ALG6: variants seen among roughly 807,000 people sequenced by gnomAD.
The protein encoded by ALG6 is dolichyl pyrophosphate Man9GlcNAc2 alpha-1,3-glucosyltransferase.
In ALG6, 46 loss-of-function variants were observed where a neutral mutation model predicts 66.6. The observed-to-expected ratio is 0.69, with a 90% CI of 0.55 to 0.88. ALG6 has a LOEUF of 0.88. ALG6 is among the 40% of genes least tolerant of loss of function. The probability of loss-of-function intolerance (pLI) is 0.00; values close to 1 mark genes in which losing one functional copy is unlikely to be tolerated. For missense variants in ALG6, 505 were observed against 586.8 expected, an observed-to-expected ratio of 0.86 and a Z score of 1.44; for synonymous variants, 185 against 203.7, an observed-to-expected ratio of 0.91 and a Z score of 0.78.
chr1:63,397,508 T>C (rs1453288614), intron 3 of ALG6, among the ~76,000 whole-genome samples: 1 of 151,986 alleles, frequency 6.6e-6, no homozygotes. Context: ...TCGTATGGTC[T>C]CATTTCCATA....
intron 12 of ALG6, among the ~76,000 whole-genome samples, chr1:63,426,688 C>T (rs770821019): frequency 5.3e-5 from 8 of 151,850 alleles, no homozygotes; most frequent in South Asian, 4.2e-4. Flanking sequence ...GTACCCCAGG[C>T]GTGCGTCACC....
intron 3 of ALG6, among the ~76,000 whole-genome samples, 170 bp from the exon 4 acceptor site, chr1:63,402,084 C>T (rs1288914675): frequency 6.6e-6 from 1 of 152,064 alleles, no homozygotes; most frequent in Admixed American, 6.6e-5. Flanking sequence ...TCCCAGTTTG[C>T]CTAGGAGAGT....
rs1451749587 is a variant in ALG6, at chr1:63,437,234, C to G, written c.*214C>G. 2.0e-6 allele frequency: 1 copy of G among 495,268 alleles called. No homozygotes were observed. Among genetic ancestry groups the G allele is most frequent in the African/African-American group, 1.9e-5 (1 of 51,544 alleles). 30.7% of individuals were successfully genotyped at this position (495,268 alleles called of 1,614,324 possible). On this transcript the variant is annotated 3_prime_UTR_variant, in exon 15 of 15. Coordinates refer to ENST00000263440, the MANE Select transcript of ALG6 (RefSeq NM_013339.4). ...GGAGGCTTGTCTAAGTACTGCTTGG[C>G]CAAAACATGTGGTTTTATTATTCAC...
intron 2 of ALG6, among the ~76,000 whole-genome samples, chr1:63,380,926 T>G (rs1648278799): frequency 6.6e-6 from 1 of 152,204 alleles, no homozygotes; most frequent in Admixed American, 6.5e-5. Context: ...AAGAAAAATA[T>G]TGTTATTGCA....
chr1:63,405,749 T>G (rs1363770694), intron 5 of ALG6, among the ~76,000 whole-genome samples: 6 of 152,120 alleles, frequency 3.9e-5, no homozygotes, highest in African/African-American at 1.4e-4. Context: ...TAGACAGCTA[T>G]GTTATACATT....
At chr1:63,400,473 T>C (rs1434966005) in intron 3 of ALG6, among the ~76,000 whole-genome samples, 1 of 150,146 alleles carries the variant, frequency 6.7e-6, no homozygotes, top group Non-Finnish European at 1.5e-5. Context: ...TATCTTCTCT[T>C]ATGCCTCTTT....
intron 10 of ALG6, 132 bp downstream of exon 10, chr1:63,414,278 G>A (rs555911342): frequency 1.6e-6 from 1 of 631,062 alleles, no homozygotes; most frequent in Non-Finnish European, 2.6e-6. Flanking sequence ...TTGAGACAGA[G>A]TCTGGCTCTG....
intron 4 of ALG6, among the ~76,000 whole-genome samples, chr1:63,403,541 G>T (rs1278437232): frequency 2.0e-5 from 3 of 152,104 alleles, no homozygotes; most frequent in Admixed American, 2.0e-4. Context: ...ACAATATCTC[G>T]TGAACTCATC....
intron 11 of ALG6, among the ~76,000 whole-genome samples, chr1:63,416,169 T>C (rs1644545149): frequency 6.6e-6 from 1 of 152,190 alleles, no homozygotes; most frequent in Admixed American, 6.5e-5. Flanking sequence ...ATTTAATTTG[T>C]TTCGTATTAG....
intron 2 of ALG6, 86 bp from the exon 3 acceptor site, chr1:63,396,426 CT>C (rs1648828218): frequency 8.5e-7 from 1 of 1,175,930 alleles, no homozygotes; most frequent in East Asian, 2.4e-5. Flanking sequence ...CACTGCCTCT[CT>C]AATTTAGACA....
At position 63,428,982 on chromosome 1, in the gene ALG6, A is replaced by G; in HGVS notation, c.1182A>G (p.Thr394=). Residue 394 remains threonine, a synonymous_variant, in exon 14 of 15, where the codon ACA becomes ACG. Transcript: ENST00000263440. The part of the protein sequence containing the change: ...DELLMPSVVT[T]MAFFIACVTS... ...TCCTAATGCCCTCTGTTGTGACAAC[A>G]ATGGCATTTTTTATAGCTTGTGTAA... The G allele has an allele frequency of 6.2e-7, 1 of 1,613,118 alleles. No individual in the cohort carries two copies. Among genetic ancestry groups the G allele is most frequent in the Non-Finnish European group, 8.5e-7 (1 of 1,179,664 alleles).
chr1:63,381,747 C>T (rs74824854), intron 2 of ALG6, among the ~76,000 whole-genome samples: 6,241 of 152,174 alleles, frequency 0.041, 404 homozygotes, highest in African/African-American at 0.14. Context: ...TTAGCATTCA[C>T]GTGTGAGGGA....
chr1:63,412,544 G>A lies in ALG6; in HGVS notation c.816+483G>A, dbSNP rs534395001. On this transcript the variant is annotated intron_variant, in intron 9 of 14. Transcript: ENST00000263440. ...TTTCAGCTACAATTTTAACAGCTGT[G>A]TAATTTTTTGGTGTATATTCTGTTT... Among the ~76,000 whole-genome samples, 319 of 152,204 alleles carry A rather than the reference G, an allele frequency of 2.1e-3. 1 individual carries two copies. The highest frequency in any genetic ancestry group is 3.3e-3 in the Admixed American group (50 of 15,274).
In ALG6 at chr1:63,438,339, T is replaced by C. The variant is rs1359435788; in HGVS notation, c.*1319T>C. On this transcript the variant is annotated 3_prime_UTR_variant, in exon 15 of 15. Transcript: ENST00000263440. Reference sequence around the variant, plus strand: ...TGCCGAATCAGCAAGAACATTGCTGTCCATGGTCACCATCTGTAATCACTG... The same window carrying C: ...TGCCGAATCAGCAAGAACATTGCTGCCCATGGTCACCATCTGTAATCACTG... 2 of 152,172 alleles carry C rather than the reference T, an allele frequency of 1.3e-5. No individual in the cohort carries two copies. The highest frequency in any genetic ancestry group is 4.8e-5 in the African/African-American group (2 of 41,444). The allele number at this position is 152,172 out of a possible 1,614,324, so 9.4% of individuals were successfully genotyped here. A position where few individuals can be genotyped will look rare whatever the true frequency, so the allele number is the denominator to read the frequency against.
intron 12 of ALG6, among the ~76,000 whole-genome samples, chr1:63,424,071 T>G (rs931756965): frequency 1.3e-5 from 2 of 152,246 alleles, no homozygotes; most frequent in African/African-American, 4.8e-5. Flanking sequence ...ACTAATGATA[T>G]TGAACATCTC....
At chr1:63,387,848 T>A (rs76205250) in intron 2 of ALG6, among the ~76,000 whole-genome samples, 4 of 152,006 alleles carry the variant, frequency 2.6e-5, no homozygotes, top group Non-Finnish European at 5.9e-5. Context: ...AGCTTCTTTG[T>A]CTCTTTTTAT....
At chr1:63,423,315 C>T (rs577672822) in intron 12 of ALG6, among the ~76,000 whole-genome samples, 17 of 152,176 alleles carry the variant, frequency 1.1e-4, no homozygotes, top group South Asian at 4.2e-4. Flanking sequence ...TGAGCCACTG[C>T]GCCTGGCTGA....
chr1:63,426,895 A>G (rs928221169), intron 12 of ALG6, among the ~76,000 whole-genome samples: 4 of 152,154 alleles, frequency 2.6e-5, no homozygotes, highest in African/African-American at 9.7e-5. Flanking sequence ...TTGAATGCAT[A>G]AATGGGAAAG....
intron 2 of ALG6, among the ~76,000 whole-genome samples, chr1:63,376,574 T>G (rs915824913): frequency 4.6e-5 from 7 of 152,230 alleles, no homozygotes; most frequent in Admixed American, 4.6e-4. Flanking sequence ...GACATCTACT[T>G]TGACCCATGA....
Sources: allele counts gnomAD v4.1 joint callset (sites outside exome capture counted in the v4.1 genomes callset), GRCh38; gene constraint gnomAD v4.1.1; transcripts MANE v1.5; gene names NCBI Gene and HGNC (gene_info 2026-07-23, HGNC 2026-07-21).